The following TAFA1 variants were observed in gnomAD, a reference collection of about 807,000 sequenced individuals.
The protein encoded by TAFA1 is chemokine-like protein TAFA-1.
Under a neutral mutation model 18.5 loss-of-function variants are expected in TAFA1, and 4 were observed. The observed-to-expected ratio is 0.22, with a 90% CI of 0.11 to 0.49. The LOEUF (loss-of-function observed/expected upper bound fraction) is 0.49, where lower values mean the gene tolerates loss of function less well. Among genes scored for constraint, TAFA1 ranks in the 20% least tolerant of loss-of-function variants. TAFA1 has a pLI of 0.98. For missense variants in TAFA1, 147 were observed against 169.0 expected (o/e 0.87, Z 0.72); for synonymous variants, 56 against 55.2 (o/e 1.01, Z -0.06).
At chr3:68,005,680 A>G (rs906841604) in intron 1 of TAFA1, among the ~76,000 whole-genome samples, 8 of 152,254 alleles carry the variant, frequency 5.3e-5, no homozygotes, top group Non-Finnish European at 1.5e-5. Flanking sequence ...ACAGAAAAGC[A>G]TACAGTTAAC....
At chr3:68,403,695 C>T (rs1179462330) in intron 2 of TAFA1, among the ~76,000 whole-genome samples, 1 of 152,142 alleles carries the variant, frequency 6.6e-6, no homozygotes, top group Admixed American at 6.5e-5. Context: ...GGTAGTTGCT[C>T]CAGAGACCAC....
chr3:68,421,212 T>C (rs563484198), intron 3 of TAFA1, among the ~76,000 whole-genome samples: 103 of 152,300 alleles, frequency 6.8e-4, no homozygotes, highest in African/African-American at 2.4e-3. Flanking sequence ...TGTTCGACTT[T>C]GGGAACTCTG....
At chr3:68,440,088 C>T (rs1446093717) in intron 3 of TAFA1, among the ~76,000 whole-genome samples, 2 of 151,930 alleles carry the variant, frequency 1.3e-5, no homozygotes, top group African/African-American at 4.8e-5. Flanking sequence ...ACAATTCCCA[C>T]ATGGCATGGG....
chr3:68,496,774 C>A (rs116601647), intron 3 of TAFA1, among the ~76,000 whole-genome samples: 1 of 152,100 alleles, frequency 6.6e-6, no homozygotes, highest in Non-Finnish European at 1.5e-5. Flanking sequence ...GTTCCTTAAC[C>A]CTTCTGTGTC....
intron 2 of TAFA1, among the ~76,000 whole-genome samples, chr3:68,327,059 G>A (rs2068787628): frequency 1.3e-5 from 2 of 152,244 alleles, no homozygotes; most frequent in Middle Eastern, 3.4e-3. Flanking sequence ...TAGTGATAGT[G>A]AATAAGTCTT....
chr3:68,168,815 T>A (rs1225205312), intron 2 of TAFA1, among the ~76,000 whole-genome samples: 2 of 152,196 alleles, frequency 1.3e-5, no homozygotes, highest in Non-Finnish European at 2.9e-5. Context: ...TGATTTCTTA[T>A]TTATAGCCAG....
intron 2 of TAFA1, among the ~76,000 whole-genome samples, chr3:68,342,293 G>A (rs1357571118): frequency 6.6e-6 from 1 of 152,200 alleles, no homozygotes; most frequent in African/African-American, 2.4e-5. Flanking sequence ...CCATCTTGAT[G>A]CAGAACAACA....
At chr3:68,205,083 G>A (rs1243619860) in intron 2 of TAFA1, among the ~76,000 whole-genome samples, 1 of 151,806 alleles carries the variant, frequency 6.6e-6, no homozygotes, top group Non-Finnish European at 1.5e-5. Context: ...CCGAGAAAAT[G>A]AACCATGACT....
At chr3:68,250,093 G>T (rs1283482841) in intron 2 of TAFA1, among the ~76,000 whole-genome samples, 1 of 152,112 alleles carries the variant, frequency 6.6e-6, no homozygotes, top group Non-Finnish European at 1.5e-5. Context: ...GCATTTCCAG[G>T]GAGTAACTAT....
At chr3:68,500,068 G>A (rs1212339712) in intron 3 of TAFA1, among the ~76,000 whole-genome samples, 2 of 151,962 alleles carry the variant, frequency 1.3e-5, no homozygotes, top group African/African-American at 4.8e-5. Context: ...CTTCTACTAT[G>A]TTGGCTTCCT....
intron 2 of TAFA1, among the ~76,000 whole-genome samples, chr3:68,038,713 TC>T (rs1358520999): frequency 6.6e-6 from 1 of 152,010 alleles, no homozygotes; most frequent in Non-Finnish European, 1.5e-5. Flanking sequence ...TCAATACTCG[TC>T]AGAAAAGCAA....
chr3:68,147,994 T>C (rs966265091), intron 2 of TAFA1, among the ~76,000 whole-genome samples: 4 of 152,240 alleles, frequency 2.6e-5, no homozygotes, highest in Admixed American at 6.5e-5. Context: ...TTTGATTATA[T>C]GCTACAGAAA....
intron 2 of TAFA1, among the ~76,000 whole-genome samples, chr3:68,194,914 C>T (rs2066392998): frequency 6.6e-6 from 1 of 151,702 alleles, no homozygotes; most frequent in South Asian, 2.1e-4. Context: ...TCGTCATTAT[C>T]AGTACTAACT....
chr3:68,497,476 C>T (rs1386475270), intron 3 of TAFA1, among the ~76,000 whole-genome samples: 1 of 152,062 alleles, frequency 6.6e-6, no homozygotes, highest in Non-Finnish European at 1.5e-5. Flanking sequence ...CCTAGCCAAG[C>T]TAAGACATAA....
intron 2 of TAFA1, among the ~76,000 whole-genome samples, chr3:68,268,858 G>C (rs11706193): frequency 1.3e-5 from 2 of 152,086 alleles, no homozygotes; most frequent in Non-Finnish European, 2.9e-5. Flanking sequence ...CAGAGTGGCT[G>C]ACACAAACTC....
intron 2 of TAFA1, among the ~76,000 whole-genome samples, chr3:68,069,227 G>A (rs776174584): frequency 6.6e-6 from 1 of 152,180 alleles, no homozygotes; most frequent in Non-Finnish European, 1.5e-5. Context: ...CAGCAGAAAG[G>A]GTTTAAGGAA....
intron 2 of TAFA1, among the ~76,000 whole-genome samples, chr3:68,121,329 TAACTC>T (rs1559528121): frequency 6.6e-6 from 1 of 151,750 alleles, no homozygotes; most frequent in African/African-American, 2.4e-5. Flanking sequence ...TCCTATGAGT[TAACTC>T]AAGTCATTCT....
At chr3:68,107,398 C>T (rs2065215854) in intron 2 of TAFA1, among the ~76,000 whole-genome samples, 1 of 152,078 alleles carries the variant, frequency 6.6e-6, no homozygotes, top group Non-Finnish European at 1.5e-5. Context: ...TGTTTATTAA[C>T]TGGTGAATGG....
intron 3 of TAFA1, among the ~76,000 whole-genome samples, chr3:68,432,434 T>C (rs75786061): frequency 0.025 from 3,840 of 152,106 alleles, 76 homozygotes; most frequent in East Asian, 0.091. Flanking sequence ...TCAGAAAATA[T>C]ATTAAATTTA....
Sources: allele counts gnomAD v4.1 joint callset (sites outside exome capture counted in the v4.1 genomes callset), GRCh38; gene constraint gnomAD v4.1.1; transcripts MANE v1.5; gene names NCBI Gene and HGNC (gene_info 2026-07-23, HGNC 2026-07-21).